The following PTPRD variants were observed in gnomAD, a reference collection of about 807,000 sequenced individuals.
PTPRD encodes the protein protein tyrosine phosphatase receptor type D.
In PTPRD, 34 loss-of-function variants were observed where a neutral mutation model predicts 214.5. The ratio of observed to expected loss-of-function variants is 0.16; its 90% CI spans 0.12 to 0.21. PTPRD has a LOEUF of 0.21. Ranked by LOEUF, PTPRD falls within the 10% of genes least tolerant of loss-of-function variation. The pLI is 1.00. For synonymous variants in PTPRD, 1,128 were observed against 845.7 expected, an observed-to-expected ratio of 1.33 and a Z score of -5.79; for missense variants, 2,545 against 2,398.7, an observed-to-expected ratio of 1.06 and a Z score of -1.27.
intron 2 of PTPRD, among the ~76,000 whole-genome samples, chr9:10,479,652 A>AATC (rs2099084574): frequency 5.6e-5 from 7 of 124,096 alleles, no homozygotes; most frequent in Admixed American, 5.6e-4. Context: ...TAAATAAATA[A>AATC]ATAAATAAAC....
At chr9:8,652,469 C>A (rs1375754387) in intron 12 of PTPRD, among the ~76,000 whole-genome samples, 1 of 152,220 alleles carries the variant, frequency 6.6e-6, no homozygotes, top group African/African-American at 2.4e-5. Flanking sequence ...ATCCTTAGAA[C>A]ACATTTGCAG....
chr9:8,922,189 CTT>C (rs2098832448), intron 11 of PTPRD, among the ~76,000 whole-genome samples: 1 of 151,974 alleles, frequency 6.6e-6, no homozygotes, highest in South Asian at 2.1e-4. Context: ...ATTTTCTTGA[CTT>C]TGTTTTTTTT....
At chr9:10,130,775 A>C (rs889978760) in intron 3 of PTPRD, among the ~76,000 whole-genome samples, 2 of 152,176 alleles carry the variant, frequency 1.3e-5, no homozygotes, top group Non-Finnish European at 2.9e-5. Context: ...AGCTGGAACT[A>C]TAGTGTGCAG....
At chr9:8,817,913 A>G (rs1043883598) in intron 11 of PTPRD, among the ~76,000 whole-genome samples, 1 of 152,222 alleles carries the variant, frequency 6.6e-6, no homozygotes, top group South Asian at 2.1e-4. Context: ...TGGATCAAAT[A>G]AAACTACAGT....
intron 5 of PTPRD, among the ~76,000 whole-genome samples, chr9:9,782,893 A>G (rs898533649): frequency 2.0e-5 from 3 of 152,184 alleles, no homozygotes; most frequent in African/African-American, 4.8e-5. Flanking sequence ...GTCTAATGCT[A>G]TTCTTCCAGT....
At chr9:9,420,456 T>C (rs1587916431) in intron 8 of PTPRD, among the ~76,000 whole-genome samples, 1 of 152,052 alleles carries the variant, frequency 6.6e-6, no homozygotes, top group East Asian at 1.9e-4. Context: ...GTTCTTAAAG[T>C]AGTACTTCTA....
intron 8 of PTPRD, among the ~76,000 whole-genome samples, chr9:9,507,412 G>A (rs1191852404): frequency 1.3e-5 from 2 of 150,900 alleles, no homozygotes; most frequent in African/African-American, 2.4e-5. Context: ...AAAATGTAAG[G>A]CTTTGTACTA....
chr9:8,457,323 A>T (rs937185551), intron 33 of PTPRD, among the ~76,000 whole-genome samples: 1 of 152,094 alleles, frequency 6.6e-6, no homozygotes, highest in African/African-American at 2.4e-5. Context: ...GTGTATTTTA[A>T]GTCATGGGCC....
chr9:8,514,472 G>A (rs371525288), intron 21 of PTPRD, among the ~76,000 whole-genome samples: 124 of 150,484 alleles, frequency 8.2e-4, no homozygotes, highest in African/African-American at 2.8e-3. Flanking sequence ...CTGCTTGAGT[G>A]TAACGATCTT....
At chr9:10,351,455 TCAAATGGGA>T (rs1329808323) in intron 2 of PTPRD, among the ~76,000 whole-genome samples, 2 of 152,190 alleles carry the variant, frequency 1.3e-5, no homozygotes, top group African/African-American at 4.8e-5. Context: ...ATGGATTTGT[TCAAATGGGA>T]CCTCTTACTC....
intron 3 of PTPRD, among the ~76,000 whole-genome samples, chr9:10,040,564 A>T (rs930080025): frequency 4.6e-5 from 7 of 152,152 alleles, no homozygotes; most frequent in African/African-American, 1.7e-4. Flanking sequence ...TGTAGGGAGA[A>T]TCAGCAGCAA....
rs776233840 is a variant in PTPRD at position 8,636,766 on chromosome 9, G to A, written c.143C>T (p.Thr48Met). Residue 48 changes from threonine (T) to methionine (M), a missense_variant, in exon 13 of 46, where the codon ACG (threonine) becomes ATG (methionine). Coordinates refer to ENST00000381196, the MANE Select transcript of PTPRD (RefSeq NM_002839.4). Reference sequence around the variant, plus strand: ...GACAATTTTAGGTCTTGGGTCTCCCGTAGCTTGGCAGATGAAAGAGGCAAC... The same window carrying A: ...GACAATTTTAGGTCTTGGGTCTCCCATAGCTTGGCAGATGAAAGAGGCAAC... ...GGVASFICQA[T>M]GDPRPKIVWN... The A allele has an allele frequency of 2.5e-5, 40 of 1,613,880 alleles. No homozygotes were observed. Among genetic ancestry groups the A allele is most frequent in the South Asian group, 8.8e-5 (8 of 91,068 alleles).
At chr9:10,318,503 C>T (rs1478664036) in intron 3 of PTPRD, among the ~76,000 whole-genome samples, 2 of 152,034 alleles carry the variant, frequency 1.3e-5, no homozygotes, top group Non-Finnish European at 2.9e-5. Context: ...ATTGCTTTCC[C>T]AGGACCCGTA....
At chr9:8,723,470 C>T (rs775871041) in intron 12 of PTPRD, among the ~76,000 whole-genome samples, 5 of 152,210 alleles carry the variant, frequency 3.3e-5, no homozygotes, top group Non-Finnish European at 7.3e-5. Context: ...TGTCTTGCTG[C>T]ACTGCTCCTT....
intron 3 of PTPRD, among the ~76,000 whole-genome samples, chr9:10,274,187 T>A (rs530860799): frequency 6.6e-6 from 1 of 152,178 alleles, no homozygotes; most frequent in African/African-American, 2.4e-5. Flanking sequence ...AGACGGCAGG[T>A]AAGCCATATG....
At chr9:9,575,695 G>A (rs1463575394) in intron 7 of PTPRD, among the ~76,000 whole-genome samples, 60 of 120,388 alleles carry the variant, frequency 5.0e-4, no homozygotes, top group African/African-American at 1.8e-3. Flanking sequence ...ACTCCAGCCT[G>A]GGTGACAGAG....
At chr9:10,261,367 A>C (rs1451487895) in intron 3 of PTPRD, among the ~76,000 whole-genome samples, 1 of 152,068 alleles carries the variant, frequency 6.6e-6, no homozygotes, top group Admixed American at 6.5e-5. Context: ...GGCATTGCTA[A>C]TGTTATGAAC....
At chr9:8,655,208 A>G (rs528600183) in intron 12 of PTPRD, among the ~76,000 whole-genome samples, 3 of 152,332 alleles carry the variant, frequency 2.0e-5, no homozygotes, top group African/African-American at 7.2e-5. Context: ...AAGGTTTCCT[A>G]TGTAAGCAGG....
intron 14 of PTPRD, among the ~76,000 whole-genome samples, chr9:8,584,091 C>T (rs2093429699): frequency 6.6e-6 from 1 of 152,122 alleles, no homozygotes. Flanking sequence ...TAGTTCGAGG[C>T]TGTAGTGAGC....
Sources: gnomAD v4.1 joint callset for allele counts (sites outside exome capture counted in the v4.1 genomes callset) on GRCh38, gnomAD v4.1.1 for gene constraint, MANE v1.5 for transcripts, NCBI Gene and HGNC (gene_info 2026-07-23, HGNC 2026-07-21) for gene names.